Variants in ZNF385B observed in about 807,000 individuals in gnomAD.
ZNF385B encodes the protein zinc finger protein 385B, also known as zinc finger protein 533.
In ZNF385B, 23 loss-of-function variants were observed where a neutral mutation model predicts 39.2. The ratio of observed to expected loss-of-function variants is 0.59; its 90% CI spans 0.42 to 0.83. The LOEUF is 0.83. Among genes scored for constraint, ZNF385B ranks in the 40% least tolerant of loss-of-function variants. The pLI, the probability that ZNF385B is intolerant of heterozygous loss-of-function variation, is 0.00. For missense variants in ZNF385B, 552 were observed against 598.9 expected (o/e 0.92, Z 0.82); for synonymous variants, 205 against 222.6 (o/e 0.92, Z 0.70).
chr2:179,798,721 T>C (rs981841111), intron 1 of ZNF385B, among the ~76,000 whole-genome samples: 73 of 152,124 alleles, frequency 4.8e-4, no homozygotes, highest in African/African-American at 1.6e-3. Flanking sequence ...GTAAGTATAG[T>C]CAAATTACTG....
rs450752 is a variant in ZNF385B, at chr2:179,820,382, C to T, written c.-155+40719G>A. ...TGATTTGTATTTTCTCTTTCTCCTTCTCTTTTTAAAATTTAGTTTACCAAA... is the reference window on the plus strand; with the variant it reads ...TGATTTGTATTTTCTCTTTCTCCTTTTCTTTTTAAAATTTAGTTTACCAAA... On this transcript the variant is annotated intron_variant, in intron 1 of 9. Transcript: ENST00000410066. Among the ~76,000 whole-genome samples, 1,140 of 152,040 alleles carry T rather than the reference C, an allele frequency of 7.5e-3. 16 individuals are homozygous for T. The highest frequency in any genetic ancestry group is 0.026 in the African/African-American group (1,081 of 41,534).
chr2:179,833,097 G>A (rs1238859788), intron 1 of ZNF385B, among the ~76,000 whole-genome samples: 1 of 152,080 alleles, frequency 6.6e-6, no homozygotes, highest in Non-Finnish European at 1.5e-5. Flanking sequence ...ATGTATATGT[G>A]TGTATATATA....
At chr2:179,581,592 A>T (rs1686525490) in intron 3 of ZNF385B, among the ~76,000 whole-genome samples, 1 of 152,206 alleles carries the variant, frequency 6.6e-6, no homozygotes, top group South Asian at 2.1e-4. Flanking sequence ...GTGAGCATTT[A>T]TTCCATGTAA....
chr2:179,698,055 G>C (rs909890075), intron 3 of ZNF385B, among the ~76,000 whole-genome samples: 6 of 152,114 alleles, frequency 3.9e-5, no homozygotes, highest in Non-Finnish European at 7.4e-5. Flanking sequence ...GTGGAGTGAG[G>C]GGGGAGGGAT....
chr2:179,831,252 C>A (rs1707967705), intron 1 of ZNF385B, among the ~76,000 whole-genome samples: 1 of 152,066 alleles, frequency 6.6e-6, no homozygotes, highest in African/African-American at 2.4e-5. Context: ...TACTGTGCTG[C>A]AAATTTTATA....
chr2:179,773,234 AATACATT>A (rs1704116576), intron 1 of ZNF385B, among the ~76,000 whole-genome samples: 1 of 152,222 alleles, frequency 6.6e-6, no homozygotes, highest in South Asian at 2.1e-4. Context: ...TATGTACAGC[AATACATT>A]CTTTGACTCA....
Position 179,442,230 on chromosome 2 carries a change from T to A in ZNF385B, c.*1020A>T, listed in dbSNP as rs1043078864. ...CAAATTGTTCAATTATAAATTTTTT[T>A]ATCTTCTGTACATTATTGCATTAGG... On this transcript the variant is annotated 3_prime_UTR_variant, in exon 10 of 10. Coordinates refer to ENST00000410066, the MANE Select transcript of ZNF385B (RefSeq NM_152520.6). The A allele has an allele frequency of 2.6e-5, 4 of 152,680 alleles. No homozygotes were observed. The highest frequency in any genetic ancestry group is 9.6e-5 in the African/African-American group (4 of 41,478). 9.5% of individuals were successfully genotyped at this position (152,680 alleles called of 1,614,324 possible). A position where few individuals can be genotyped will look rare whatever the true frequency, so the allele number is the denominator to read the frequency against.
rs1182477535 is a variant in ZNF385B at position 179,621,528 on chromosome 2, A to T, written c.299-76559T>A. On this transcript the variant is annotated intron_variant, in intron 3 of 9. Transcript: ENST00000410066. ...ATTATTCCCATCATGGCTGATTTTA[A>T]AGATCAACATGTCACTTAACGTAAG... 3.3e-5 allele frequency among the ~76,000 whole-genome samples: 5 copies of T among 152,330 alleles called. No homozygotes were observed. In the East Asian group the frequency reaches 9.6e-4, roughly 29 times the overall value.
Position 179,861,204 on chromosome 2 carries a change from G to T in ZNF385B, c.-258C>A, listed in dbSNP as rs373384726. On this transcript the variant is annotated 5_prime_UTR_variant, in exon 1 of 10. Transcript: ENST00000410066. ...GCGGTCCCGCCAGGGCTGCACCGGG[G>T]CTTCGCGCAGACGTTCTCCCGCGAT... 6 of 152,748 alleles carry T rather than the reference G, an allele frequency of 3.9e-5. No homozygotes were observed. In the South Asian group the frequency reaches 1.1e-3, roughly 29 times the overall value. The allele number at this position is 152,748 out of a possible 1,614,324, so 9.5% of individuals were successfully genotyped here.
At chr2:179,686,707 C>T (rs1218226732) in intron 3 of ZNF385B, among the ~76,000 whole-genome samples, 1 of 152,076 alleles carries the variant, frequency 6.6e-6, no homozygotes, top group Non-Finnish European at 1.5e-5. Flanking sequence ...GGAGAGAAAA[C>T]CTGAATGCTC....
At chr2:179,837,416 A>G (rs1708312331) in intron 1 of ZNF385B, among the ~76,000 whole-genome samples, 1 of 152,226 alleles carries the variant, frequency 6.6e-6, no homozygotes, top group Non-Finnish European at 1.5e-5. Flanking sequence ...CCTGACATAG[A>G]AAGTATTATT....
chr2:179,689,683 A>T (rs1471323923), intron 3 of ZNF385B, among the ~76,000 whole-genome samples: 1 of 152,104 alleles, frequency 6.6e-6, no homozygotes, highest in Non-Finnish European at 1.5e-5. Context: ...GACTGACTAC[A>T]TCAGTGCCTC....
chr2:179,584,742 G>T (rs545133329), intron 3 of ZNF385B, among the ~76,000 whole-genome samples: 95 of 152,268 alleles, frequency 6.2e-4, no homozygotes, highest in African/African-American at 2.0e-3. Context: ...ACAACCAGGT[G>T]TAGATGTCCA....
intron 5 of ZNF385B, among the ~76,000 whole-genome samples, chr2:179,513,145 T>A (rs2057810208): frequency 6.6e-6 from 1 of 152,188 alleles, no homozygotes; most frequent in Admixed American, 6.5e-5. Flanking sequence ...TCAGGCTGAT[T>A]TAGAAATGTT....
intron 3 of ZNF385B, among the ~76,000 whole-genome samples, chr2:179,689,471 A>T (rs1698176319): frequency 6.6e-6 from 1 of 152,204 alleles, no homozygotes; most frequent in South Asian, 2.1e-4. Context: ...CCTCGTGCAG[A>T]GCAGCGCATG....
At chr2:179,564,713 C>T (rs536726968) in intron 3 of ZNF385B, among the ~76,000 whole-genome samples, 1 of 152,272 alleles carries the variant, frequency 6.6e-6, no homozygotes, top group Non-Finnish European at 1.5e-5. Flanking sequence ...ACCTCTCTAC[C>T]ATTGGTAGAA....
intron 5 of ZNF385B, among the ~76,000 whole-genome samples, chr2:179,493,784 C>CATATGTATATGCAT (rs1559338496): frequency 1.1e-5 from 1 of 88,512 alleles, no homozygotes; most frequent in Non-Finnish European, 2.4e-5. Context: ...TGTATATACA[C>CATATGTATATGCAT]ATATGTATAC....
At chr2:179,510,365 A>G (rs2057578210) in intron 5 of ZNF385B, among the ~76,000 whole-genome samples, 1 of 152,074 alleles carries the variant, frequency 6.6e-6, no homozygotes, top group Admixed American at 6.6e-5. Context: ...GTGAATGTGT[A>G]TATGTGTGTA....
At chr2:179,672,279 G>T (rs983836492) in intron 3 of ZNF385B, among the ~76,000 whole-genome samples, 3 of 152,186 alleles carry the variant, frequency 2.0e-5, no homozygotes, top group Non-Finnish European at 4.4e-5. Context: ...CACCACTACA[G>T]TTTAGAAGCA....
Sources: gnomAD v4.1 joint callset for allele counts (sites outside exome capture counted in the v4.1 genomes callset) on GRCh38, gnomAD v4.1.1 for gene constraint, MANE v1.5 for transcripts, NCBI Gene and HGNC (gene_info 2026-07-23, HGNC 2026-07-21) for gene names.